The following KDM4B variants were observed in gnomAD, a reference collection of about 807,000 sequenced individuals.
KDM4B encodes lysine-specific demethylase 4B.
KDM4B carries 32 observed loss-of-function variants against 125.2 expected under a neutral mutation model. The ratio of observed to expected loss-of-function variants is 0.26; its 90% CI spans 0.19 to 0.34. The LOEUF is 0.34. KDM4B is among the 10% of genes least tolerant of loss of function. KDM4B has a pLI of 1.00. For synonymous variants in KDM4B, 721 were observed against 677.9 expected (o/e 1.06, Z -0.99); for missense variants, 1,190 against 1,577.7 (o/e 0.75, Z 4.16).
chr19:5,050,445 C>G (rs925737573), intron 6 of KDM4B, among the ~76,000 whole-genome samples: 1 of 152,200 alleles, frequency 6.6e-6, no homozygotes, highest in Non-Finnish European at 1.5e-5. Context: ...TCACCCAGGC[C>G]GGGGGGGCCG....
At chr19:4,973,314 G>C (rs1285271150) in intron 1 of KDM4B, among the ~76,000 whole-genome samples, 1 of 152,008 alleles carries the variant, frequency 6.6e-6, no homozygotes, top group African/African-American at 2.4e-5. Flanking sequence ...TCAGCCTCCC[G>C]AGTAGCTGGG....
intron 6 of KDM4B, among the ~76,000 whole-genome samples, chr19:5,063,693 C>T (rs138519259): frequency 5.2e-4 from 79 of 152,344 alleles, no homozygotes; most frequent in Middle Eastern, 3.4e-3. Flanking sequence ...GTCCCCAGTG[C>T]GGTGAATAGG....
rs571198150 is a variant in KDM4B at position 5,131,155 on chromosome 19, G to T, written c.1395G>T (p.Gln465His). ...AGAGCTTCGGCCTGCTGCCCCCACA[G>T]CTGCCGCCCCCGCCTGCTCACTTCC... ...KKKSFGLLPP[Q>H]LPPPPAHFPS... Residue 465 changes from glutamine (Q) to histidine (H), a missense_variant, in exon 12 of 23, where the codon CAG becomes CAT. Physicochemically the swap from Gln to His is conservative, Grantham distance 24. Around this residue, in one of 7 missense-constraint regions of KDM4B, gnomAD observed 428 missense variants for 405.1 expected, o/e 1.06. Coordinates refer to ENST00000159111, the MANE Select transcript of KDM4B (RefSeq NM_015015.3). 3.0e-5 allele frequency: 46 copies of T among 1,558,072 alleles called. 1 individual carries two copies. The South Asian group carries it at 4.9e-4, about 17-fold the overall frequency.
intron 12 of KDM4B, 125 bp from the exon 13 acceptor site, chr19:5,131,762 C>T: frequency 8.3e-7 from 1 of 1,207,782 alleles, no homozygotes; most frequent in Non-Finnish European, 1.2e-6. Flanking sequence ...TGGTTCTTTG[C>T]TGGGACAGTC....
chr19:5,080,249 C>T (rs147139669), intron 8 of KDM4B, among the ~76,000 whole-genome samples: 5 of 152,330 alleles, frequency 3.3e-5, no homozygotes, highest in Non-Finnish European at 7.3e-5. Context: ...TGTCTGACGC[C>T]GTGGCTGGCT....
At chr19:5,011,374 CT>C (rs1224995954) in intron 1 of KDM4B, among the ~76,000 whole-genome samples, 1 of 152,230 alleles carries the variant, frequency 6.6e-6, no homozygotes, top group Non-Finnish European at 1.5e-5. Context: ...ATCTCACTGT[CT>C]CTTTTCCAGA....
At position 4,997,346 on chromosome 19, in the gene KDM4B, C is replaced by A. The variant is rs73921823; in HGVS notation, c.-108-18911C>A. ...GTTTGTGTCCCACTTAGAGAGGTTT[C>A]CCCCGCCCTAGGAGTCCAGGAGCGT... On this transcript the variant is annotated intron_variant, in intron 1 of 22. Transcript: ENST00000159111. This position sits in a 1 kb window ranked among gnomAD's most constrained non-coding sequence, Gnocchi z 4.2. Among the ~76,000 whole-genome samples the A allele has an allele frequency of 6.8e-4, 103 of 152,224 alleles. No individual in the cohort carries two copies. The highest frequency in any genetic ancestry group is 2.1e-3 in the African/African-American group (88 of 41,538).
At chr19:5,047,421 T>C in intron 5 of KDM4B, 55 bp from the exon 6 acceptor site, 1 of 1,507,986 alleles carries the variant, frequency 6.6e-7, no homozygotes, top group South Asian at 1.2e-5. Context: ...ACCCCAGGGC[T>C]CGCAGGTTCT....
chr19:4,989,638 G>GTCTTCT (rs527457487), intron 1 of KDM4B, among the ~76,000 whole-genome samples: 1 of 150,602 alleles, frequency 6.6e-6, no homozygotes, highest in Non-Finnish European at 1.5e-5. Flanking sequence ...ACCATGCCCA[G>GTCTTCT]TCTTCTTCTT....
Position 5,151,448 on chromosome 19 carries a change from G to T in KDM4B, c.3228G>T (p.Gln1076His). 6.5e-7 allele frequency: 1 copy of T among 1,545,218 alleles called. No homozygotes were observed. ...PLATEDSGRS[Q>H]DYVAFVESLL... ...CCACGGAGGACTCCGGGCGGAGCCA[G>T]GACTACGTGGCCTTCGTGGAGAGCC... The change falls in exon 23 of 23, where the codon CAG (glutamine) becomes CAT (histidine). Residue 1076 changes from glutamine (Q) to histidine (H), a missense_variant. This residue lies in a region of KDM4B where 109 missense variants were observed against 93.8 expected (regional missense o/e 1.16). Coordinates refer to ENST00000159111, the MANE Select transcript of KDM4B (RefSeq NM_015015.3).
In KDM4B at chr19:5,115,226, C is replaced by T. The variant is rs1173352657; in HGVS notation, c.1115+4408C>T. On this transcript the variant is annotated intron_variant, in intron 10 of 22. Transcript: ENST00000159111. This position sits in a 1 kb window ranked among gnomAD's most constrained non-coding sequence, Gnocchi z 4.2. ...GGAGGGCTGCAGGGGGAATGTACCACGGGGCCTCAGAAAGACACAGCGGGC... is the reference window on the plus strand; with the variant it reads ...GGAGGGCTGCAGGGGGAATGTACCATGGGGCCTCAGAAAGACACAGCGGGC... 2.0e-5 allele frequency among the ~76,000 whole-genome samples: 3 copies of T among 151,948 alleles called. No homozygotes were observed. Among genetic ancestry groups the T allele is most frequent in the African/African-American group, 2.4e-5 (1 of 41,422 alleles).
At position 4,997,896 on chromosome 19, in the gene KDM4B, C is replaced by T. The variant is rs2035254133; in HGVS notation, c.-108-18361C>T. Among the ~76,000 whole-genome samples the T allele has an allele frequency of 1.3e-5, 2 of 152,248 alleles. No individual in the cohort carries two copies. The highest frequency in any genetic ancestry group is 1.3e-4 in the Admixed American group (2 of 15,286). ...CGGACGTGCCACTCTGCACTGCTGT[C>T]CCTCTCCACCCAGGCCTTGGGGCTC... On this transcript the variant is annotated intron_variant, in intron 1 of 22. Coordinates refer to ENST00000159111, the MANE Select transcript of KDM4B (RefSeq NM_015015.3). This position sits in a 1 kb window ranked among gnomAD's most constrained non-coding sequence, Gnocchi z 4.2.
At position 5,114,090 on chromosome 19, in the gene KDM4B, C is replaced by G. The variant is rs558015054; in HGVS notation, c.1115+3272C>G. 1 of 1,289,392 alleles carries G rather than the reference C, an allele frequency of 7.8e-7. No individual in the cohort carries two copies. Among genetic ancestry groups the G allele is most frequent in the Admixed American group, 2.3e-5 (1 of 43,538 alleles). 79.9% of individuals were successfully genotyped at this position (1,289,392 alleles called of 1,614,324 possible). On this transcript the variant is annotated intron_variant, in intron 10 of 22. Transcript: ENST00000159111. This position sits in a 1 kb window ranked among gnomAD's most constrained non-coding sequence, Gnocchi z 5.8. The stretch of plus-strand genomic sequence containing the variant: ...CTGGCGGGTGCCCTCAGCCTCCCCA[C>G]TCCCGGTGGCGCTGTGCGTTCTGGT...
rs752580926 is a variant in KDM4B, at chr19:5,114,107, C to T, written c.1115+3289C>T. 44 of 1,289,268 alleles carry T rather than the reference C, an allele frequency of 3.4e-5. No homozygotes were observed. The East Asian group carries it at 7.8e-4, about 23-fold the overall frequency. 79.9% of individuals were successfully genotyped at this position (1,289,268 alleles called of 1,614,324 possible). ...CCTCCCCACTCCCGGTGGCGCTGTG[C>T]GTTCTGGTGCCCTGCCTGAGCCGGA... On this transcript the variant is annotated intron_variant, in intron 10 of 22. Transcript: ENST00000159111. The surrounding 1 kb of genome is among the most constrained non-coding windows in gnomAD (Gnocchi z 5.8).
At chr19:4,969,735 C>G (rs576870846) in intron 1 of KDM4B, among the ~76,000 whole-genome samples, 5 of 151,994 alleles carry the variant, frequency 3.3e-5, no homozygotes, top group Admixed American at 2.0e-4. Flanking sequence ...AGGGGAAGCC[C>G]CCCAGCTGGA....
chr19:5,045,680 G>A (rs1472299540), intron 5 of KDM4B, among the ~76,000 whole-genome samples: 2 of 151,904 alleles, frequency 1.3e-5, no homozygotes, highest in Non-Finnish European at 2.9e-5. Flanking sequence ...TCACCATGTT[G>A]GCCAGGATGG....
intron 1 of KDM4B, among the ~76,000 whole-genome samples, chr19:4,981,875 C>A (rs1222829274): frequency 6.6e-6 from 1 of 152,182 alleles, no homozygotes; most frequent in African/African-American, 2.4e-5. Flanking sequence ...TGGCAGGGGG[C>A]GGTCACGTAA....
intron 9 of KDM4B, among the ~76,000 whole-genome samples, chr19:5,098,487 G>A (rs186256659): frequency 6.6e-6 from 1 of 152,086 alleles, no homozygotes; most frequent in Non-Finnish European, 1.5e-5. Flanking sequence ...CTCCCATGGT[G>A]GCCCTGACTT....
intron 1 of KDM4B, among the ~76,000 whole-genome samples, chr19:5,010,942 C>G (rs898889245): frequency 6.6e-6 from 1 of 152,254 alleles, no homozygotes. Flanking sequence ...GCCACTGCAC[C>G]TGGCGCTCAA....
Sources: gnomAD v4.1 joint callset for allele counts (sites outside exome capture counted in the v4.1 genomes callset) on GRCh38, gnomAD v4.1.1 for gene constraint, gnomAD v4.1.1 regional missense constraint, Gnocchi (gnomAD v3.1) non-coding constraint, MANE v1.5 for transcripts, NCBI Gene and HGNC (gene_info 2026-07-23, HGNC 2026-07-21) for gene names.